The following FHOD3 variants were observed in gnomAD, a reference collection of about 807,000 sequenced individuals.
FHOD3 encodes FH1/FH2 domain-containing protein 3.
A neutral mutation model predicts 173.0 loss-of-function variants in FHOD3; 90 were observed. The observed-to-expected ratio is 0.52, with a 90% confidence interval of 0.44 to 0.62. The LOEUF (loss-of-function observed/expected upper bound fraction) is 0.62. Ranked by LOEUF, FHOD3 falls within the 20% of genes least tolerant of loss-of-function variation. The pLI is 0.00. For missense variants in FHOD3, 1,945 were observed against 2,034.7 expected (o/e 0.96, Z 0.85); for synonymous variants, 828 against 823.0 (o/e 1.01, Z -0.10).
At chr18:36,585,364 G>T (rs1217766405) in intron 6 of FHOD3, among the ~76,000 whole-genome samples, 2 of 152,100 alleles carry the variant, frequency 1.3e-5, no homozygotes, top group African/African-American at 4.8e-5. Context: ...CTCTTCTACC[G>T]GCCACTTGGC....
chr18:36,372,674 C>T lies in FHOD3; in HGVS notation c.273-6C>T, dbSNP rs185841790. On this transcript the variant is annotated splice_region_variant and splice_polypyrimidine_tract_variant and intron_variant, in intron 2 of 28. Coordinates refer to ENST00000590592, the MANE Select transcript of FHOD3 (RefSeq NM_001281740.3). ...GATGCCCCTGTTTTGTCTCCTGTCTCGTTAGGCGGGGCAAGAAGCACAGCA... is the reference window on the plus strand; with the variant it reads ...GATGCCCCTGTTTTGTCTCCTGTCTTGTTAGGCGGGGCAAGAAGCACAGCA... 9.3e-6 allele frequency: 15 copies of T among 1,613,660 alleles called. No individual in the cohort carries two copies. The highest frequency in any genetic ancestry group is 2.7e-5 in the African/African-American group (2 of 75,018).
intron 1 of FHOD3, among the ~76,000 whole-genome samples, chr18:36,347,186 A>G (rs1334244996): frequency 6.6e-6 from 1 of 152,264 alleles, no homozygotes; most frequent in Non-Finnish European, 1.5e-5. Flanking sequence ...TTCAACTTGA[A>G]TAAAGTGAAA....
At chr18:36,682,738 C>T (rs569508287) in intron 15 of FHOD3, among the ~76,000 whole-genome samples, 8 of 152,210 alleles carry the variant, frequency 5.3e-5, no homozygotes, top group East Asian at 3.9e-4. Flanking sequence ...CACACCACCA[C>T]GCCTGGCTAA....
At chr18:36,656,185 T>C (rs2036416647) in intron 13 of FHOD3, among the ~76,000 whole-genome samples, 2 of 152,310 alleles carry the variant, frequency 1.3e-5, no homozygotes, top group South Asian at 4.1e-4. Flanking sequence ...TCTTTGCTCA[T>C]TGGCTTTCTC....
chr18:36,753,786 T>C (rs1269853961), intron 24 of FHOD3, among the ~76,000 whole-genome samples: 3 of 152,250 alleles, frequency 2.0e-5, no homozygotes, highest in Non-Finnish European at 4.4e-5. Flanking sequence ...GTGGTTCTGA[T>C]GTGTATTCCT....
chr18:36,455,007 C>T (rs2052094136), intron 3 of FHOD3, among the ~76,000 whole-genome samples: 1 of 152,156 alleles, frequency 6.6e-6, no homozygotes, highest in Non-Finnish European at 1.5e-5. Flanking sequence ...GCTCTTCAAA[C>T]CCGCTAATAT....
At chr18:36,497,218 CAATT>C (rs370663194) in intron 3 of FHOD3, among the ~76,000 whole-genome samples, 5 of 152,258 alleles carry the variant, frequency 3.3e-5, no homozygotes, top group African/African-American at 1.2e-4. Context: ...AAGTACTTCT[CAATT>C]AGAAATTGTA....
chr18:36,760,872 C>A, intron 27 of FHOD3, 90 bp downstream of exon 27: 1 of 1,363,982 alleles, frequency 7.3e-7, no homozygotes, highest in African/African-American at 1.5e-5. Context: ...CGGTCCACGG[C>A]TGTGACTGGC....
intron 5 of FHOD3, among the ~76,000 whole-genome samples, chr18:36,516,900 C>T (rs1354265162): frequency 1.3e-5 from 2 of 152,150 alleles, no homozygotes; most frequent in Non-Finnish European, 2.9e-5. Flanking sequence ...CCAGGGGAAA[C>T]AAAAGCATGT....
chr18:36,551,274 T>G (rs2057642333), intron 5 of FHOD3, among the ~76,000 whole-genome samples: 1 of 152,148 alleles, frequency 6.6e-6, no homozygotes, highest in African/African-American at 2.4e-5. Context: ...ATTGTTGGAT[T>G]TGGTTGGCTA....
intron 7 of FHOD3, 95 bp downstream of exon 7, chr18:36,594,993 A>G: frequency 1.3e-6 from 1 of 799,304 alleles, no homozygotes; most frequent in Non-Finnish European, 2.0e-6. Flanking sequence ...TATAAGAATT[A>G]ATAGAATTCC....
chr18:36,519,294 C>G (rs973594379), intron 5 of FHOD3, among the ~76,000 whole-genome samples: 1 of 152,220 alleles, frequency 6.6e-6, no homozygotes, highest in Non-Finnish European at 1.5e-5. Flanking sequence ...GCCTGACTTT[C>G]TGCAGTGCTG....
At chr18:36,355,967 C>T (rs2046340104) in intron 2 of FHOD3, among the ~76,000 whole-genome samples, 1 of 152,188 alleles carries the variant, frequency 6.6e-6, no homozygotes, top group East Asian at 1.9e-4. Flanking sequence ...TGTGGTGGCT[C>T]ACACCTGTAG....
At chr18:36,606,017 A>G (rs2032029565) in intron 8 of FHOD3, among the ~76,000 whole-genome samples, 2 of 152,138 alleles carry the variant, frequency 1.3e-5, no homozygotes, top group African/African-American at 4.8e-5. Context: ...TGGGAGGTAC[A>G]ATGAGTAACA....
At chr18:36,742,292 C>T (rs570348455) in intron 21 of FHOD3, among the ~76,000 whole-genome samples, 109 of 152,204 alleles carry the variant, frequency 7.2e-4, no homozygotes, top group African/African-American at 2.5e-3. Context: ...GGTGGCTAGC[C>T]GTGGAGTGCC....
chr18:36,553,915 T>C (rs1005618275), intron 5 of FHOD3, among the ~76,000 whole-genome samples: 1 of 152,144 alleles, frequency 6.6e-6, no homozygotes, highest in Non-Finnish European at 1.5e-5. Context: ...ATCAGATAAA[T>C]GCAAATCAAA....
intron 3 of FHOD3, among the ~76,000 whole-genome samples, chr18:36,474,986 TAC>T (rs3056805): frequency 0.059 from 6,328 of 107,976 alleles, 160 homozygotes; most frequent in Middle Eastern, 0.16. Flanking sequence ...AATACACACA[TAC>T]ACACACACAC....
At chr18:36,702,971 A>T (rs2039674055) in intron 17 of FHOD3, among the ~76,000 whole-genome samples, 2 of 152,206 alleles carry the variant, frequency 1.3e-5, no homozygotes, top group South Asian at 4.1e-4. Context: ...AAGCTCTGCT[A>T]GCATGAGCTC....
At chr18:36,482,856 C>CAGAGAGAGAGAG (rs1198142796) in intron 3 of FHOD3, among the ~76,000 whole-genome samples, 11 of 64,068 alleles carry the variant, frequency 1.7e-4, no homozygotes, top group African/African-American at 6.1e-4. Flanking sequence ...CTCACACACA[C>CAGAGAGAGAGAG]ACAGAGAGAG....
Sources: allele counts gnomAD v4.1 joint callset (sites outside exome capture counted in the v4.1 genomes callset), GRCh38; gene constraint gnomAD v4.1.1; transcripts MANE v1.5; gene names NCBI Gene and HGNC (gene_info 2026-07-23, HGNC 2026-07-21).